FHIT: variants seen among roughly 807,000 people sequenced by gnomAD.
FHIT encodes the protein fragile histidine triad diadenosine triphosphatase.
Under a neutral mutation model 17.9 loss-of-function variants are expected in FHIT, and 19 were observed. The ratio of observed to expected loss-of-function variants is 1.06; its 90% CI spans 0.74 to 1.56. FHIT has a LOEUF of 1.56. Ranked by LOEUF, FHIT falls within the 40% of genes most tolerant of loss-of-function variation. The pLI, the probability that FHIT is intolerant of heterozygous loss-of-function variation, is 0.00. For synonymous variants in FHIT, 81 were observed against 69.7 expected (o/e 1.16, Z -0.81); for missense variants, 248 against 189.2 (o/e 1.31, Z -1.82).
intron 3 of FHIT, among the ~76,000 whole-genome samples, chr3:60,898,262 C>T (rs1463121468): frequency 1.3e-5 from 2 of 151,962 alleles, no homozygotes; most frequent in Non-Finnish European, 2.9e-5. Context: ...AAATATTGAA[C>T]CAAATATTGT....
Position 59,986,751 on chromosome 3 carries a change from T to TAAATATATAAATATATTTATATAA in FHIT, c.279+24619_279+24620insTTATATAAATATATTTATATATTT, listed in dbSNP as rs369620866. The stretch of plus-strand genomic sequence containing the variant: ...ATATAAATATATACATATATTTATA[T>TAAATATATAAATATATTTATATAA]ATATATAAATATATTTATATAAATA... On this transcript the variant is annotated intron_variant, in intron 7 of 9. Transcript: ENST00000492590. Among the ~76,000 whole-genome samples the TAAATATATAAATATATTTATATAA allele has an allele frequency of 7.7e-4, 7 of 9,128 alleles. 3 individuals carry two copies. Among genetic ancestry groups the TAAATATATAAATATATTTATATAA allele is most frequent in the African/African-American group, 2.3e-3 (7 of 3,070 alleles). 6.0% of individuals were successfully genotyped at this position (9,128 alleles called of 152,430 possible).
intron 5 of FHIT, among the ~76,000 whole-genome samples, chr3:60,374,546 C>A (rs1050304920): frequency 4.6e-5 from 7 of 150,548 alleles, no homozygotes; most frequent in Non-Finnish European, 1.0e-4. Flanking sequence ...GGATCTTCCA[C>A]CCCAGATTTT....
intron 2 of FHIT, among the ~76,000 whole-genome samples, chr3:61,093,625 G>C (rs192889685): frequency 6.6e-6 from 1 of 152,236 alleles, no homozygotes. Context: ...GAGCAGATTT[G>C]AAATTAGATT....
chr3:59,966,773 T>C (rs556587140), intron 7 of FHIT, among the ~76,000 whole-genome samples: 34 of 152,292 alleles, frequency 2.2e-4, no homozygotes, highest in East Asian at 1.4e-3. Flanking sequence ...AAGGGGTGAC[T>C]GAATTTGAAG....
chr3:59,904,763 G>A (rs568460345), intron 8 of FHIT, among the ~76,000 whole-genome samples: 93 of 152,224 alleles, frequency 6.1e-4, no homozygotes, highest in Non-Finnish European at 9.3e-4. Flanking sequence ...AGTTTTTAGC[G>A]AAGAGGGGAT....
Position 60,361,118 on chromosome 3 carries a change from C to T in FHIT, c.103+175742G>A, listed in dbSNP as rs144538825. On this transcript the variant is annotated intron_variant, in intron 5 of 9. Transcript: ENST00000492590. ...CATCCGTTCATCCAATAAACAGTTA[C>T]TGGATATCCACCAAATACCAAGTAC... is the stretch of plus-strand genomic sequence containing the variant. Among the ~76,000 whole-genome samples the T allele has an allele frequency of 8.8e-3, 1,338 of 152,296 alleles. 9 individuals are homozygous for T. Among genetic ancestry groups the T allele is most frequent in the Non-Finnish European group, 0.014 (958 of 68,030 alleles).
chr3:60,713,573 C>G (rs1315667343), intron 4 of FHIT, among the ~76,000 whole-genome samples: 3 of 151,788 alleles, frequency 2.0e-5, no homozygotes, highest in Non-Finnish European at 2.9e-5. Context: ...CAAATAGACA[C>G]AATAAAAAAT....
chr3:61,238,495 C>G lies in FHIT; in HGVS notation c.-213+12806G>C, dbSNP rs765905660. On this transcript the variant is annotated intron_variant, in intron 1 of 9. Coordinates refer to ENST00000492590, the MANE Select transcript of FHIT (RefSeq NM_002012.4). Reference sequence around the variant, plus strand: ...GCTTACAGTCCAAAGGGAAGAGAAGCATTGATTTAAAATCAAAGGTTAAAT... The same window carrying G: ...GCTTACAGTCCAAAGGGAAGAGAAGGATTGATTTAAAATCAAAGGTTAAAT... Among the ~76,000 whole-genome samples the G allele has an allele frequency of 9.2e-5, 14 of 152,132 alleles. 1 individual carries two copies. Among genetic ancestry groups the G allele is most frequent in the Admixed American group, 6.5e-4 (10 of 15,276 alleles).
intron 4 of FHIT, among the ~76,000 whole-genome samples, chr3:60,718,326 C>G (rs1031529673): frequency 1.3e-5 from 2 of 152,100 alleles, no homozygotes; most frequent in Non-Finnish European, 2.9e-5. Context: ...GATCCTATTC[C>G]TGGGATCTTT....
At chr3:60,492,866 G>A (rs926032771) in intron 5 of FHIT, among the ~76,000 whole-genome samples, 2 of 152,098 alleles carry the variant, frequency 1.3e-5, no homozygotes, top group East Asian at 1.9e-4. Flanking sequence ...GCATTCATGT[G>A]TCTTTATTCA....
At chr3:59,939,970 C>T (rs1421730805) in intron 7 of FHIT, among the ~76,000 whole-genome samples, 2 of 152,146 alleles carry the variant, frequency 1.3e-5, no homozygotes, top group Non-Finnish European at 2.9e-5. Flanking sequence ...AGCTAAGTGA[C>T]ATGGAAGGTT....
At chr3:60,621,185 G>T (rs574671975) in intron 4 of FHIT, among the ~76,000 whole-genome samples, 13 of 134,994 alleles carry the variant, frequency 9.6e-5, no homozygotes, top group Non-Finnish European at 1.7e-4. Flanking sequence ...GTCTCACATG[G>T]TCACCTAGGC....
At chr3:60,919,349 A>G (rs1553767729) in intron 3 of FHIT, among the ~76,000 whole-genome samples, 4 of 152,196 alleles carry the variant, frequency 2.6e-5, no homozygotes, top group African/African-American at 9.7e-5. Context: ...GAAAGAAGTA[A>G]ATACAACTTT....
intron 3 of FHIT, among the ~76,000 whole-genome samples, chr3:60,822,389 G>A (rs868954690): frequency 2.0e-5 from 3 of 152,270 alleles, no homozygotes; most frequent in South Asian, 2.1e-4. Flanking sequence ...CCGTGAGTCT[G>A]GTGGGAAGAG....
intron 7 of FHIT, among the ~76,000 whole-genome samples, chr3:59,958,392 A>G (rs1430920690): frequency 6.6e-6 from 1 of 152,224 alleles, no homozygotes; most frequent in South Asian, 2.1e-4. Flanking sequence ...TTATTGCACA[A>G]TGAGGTCTCA....
At chr3:60,369,696 T>C (rs1238726096) in intron 5 of FHIT, among the ~76,000 whole-genome samples, 3 of 152,192 alleles carry the variant, frequency 2.0e-5, no homozygotes, top group East Asian at 3.9e-4. Flanking sequence ...ACTGAGCTTC[T>C]AGGCTGTTAA....
intron 1 of FHIT, among the ~76,000 whole-genome samples, chr3:61,214,668 T>A (rs994225860): frequency 6.6e-6 from 1 of 152,132 alleles, no homozygotes; most frequent in Admixed American, 6.5e-5. Context: ...GAGGCCAGCA[T>A]CATCCTGATA....
At chr3:60,615,417 C>G (rs2038921734) in intron 4 of FHIT, among the ~76,000 whole-genome samples, 1 of 152,164 alleles carries the variant, frequency 6.6e-6, no homozygotes, top group African/African-American at 2.4e-5. Flanking sequence ...TCTCAATACT[C>G]TAGACTGAAG....
At chr3:60,120,441 C>T (rs1354419817) in intron 5 of FHIT, among the ~76,000 whole-genome samples, 2 of 152,234 alleles carry the variant, frequency 1.3e-5, no homozygotes, top group African/African-American at 4.8e-5. Flanking sequence ...TATTAGGTTT[C>T]ACCATGGAAG....
Sources: allele counts gnomAD v4.1 joint callset (sites outside exome capture counted in the v4.1 genomes callset), GRCh38; gene constraint gnomAD v4.1.1; transcripts MANE v1.5; gene names NCBI Gene and HGNC (gene_info 2026-07-23, HGNC 2026-07-21).